The following ANKS6 variants were observed in gnomAD, a reference collection of about 807,000 sequenced individuals.
ANKS6 encodes ankyrin repeat and sterile alpha motif domain containing 6.
Under a neutral mutation model 77.9 loss-of-function variants are expected in ANKS6, and 47 were observed. The observed-to-expected ratio is 0.60, with a 90% CI of 0.48 to 0.77. ANKS6 has a LOEUF of 0.77. Among genes scored for constraint, ANKS6 ranks in the 30% least tolerant of loss-of-function variants. ANKS6 has a pLI of 0.00. For missense variants in ANKS6, 1,150 were observed against 1,159.1 expected, an observed-to-expected ratio of 0.99 and a Z score of 0.11; for synonymous variants, 488 against 501.7, an observed-to-expected ratio of 0.97 and a Z score of 0.37.
At chr9:98,784,913 A>C (rs373222710) in intron 2 of ANKS6, 37 bp from the exon 3 acceptor site, 1 of 1,593,596 alleles carries the variant, frequency 6.3e-7, no homozygotes, top group African/African-American at 1.3e-5. Context: ...AACCACGGAA[A>C]GGTTTAATAT....
chr9:98,752,281 G>C (rs962101161), intron 12 of ANKS6, among the ~76,000 whole-genome samples: 3 of 152,220 alleles, frequency 2.0e-5, no homozygotes, highest in African/African-American at 7.2e-5. Flanking sequence ...GCAGATATCT[G>C]GAGTAAGAGC....
chr9:98,790,549 G>C lies in ANKS6; in HGVS notation c.417C>G (p.Ala139=), dbSNP rs1455442887. The C allele has an allele frequency of 1.2e-6, 2 of 1,612,402 alleles. No individual in the cohort carries two copies. Among genetic ancestry groups the C allele is most frequent in the Non-Finnish European group, 1.7e-6 (2 of 1,178,982 alleles). ...GCACACTGGCCCCCAGCCGGTTCTG[G>C]GCATTGACATCAGCCCCGTGATCCA... The part of the protein sequence containing the change: ...LLLDHGADVN[A]QNRLGASVLT... Residue 139 remains alanine (A), a synonymous_variant, in exon 2 of 15, where the codon GCC becomes GCG. Transcript: ENST00000353234.
chr9:98,744,386 C>T (rs572409172), intron 14 of ANKS6, among the ~76,000 whole-genome samples: 9 of 152,264 alleles, frequency 5.9e-5, no homozygotes, highest in East Asian at 1.9e-4. Context: ...CAGGAGGCCT[C>T]GGTTTAGCGT....
intron 8 of ANKS6, among the ~76,000 whole-genome samples, chr9:98,774,613 G>A: frequency 6.6e-6 from 1 of 152,184 alleles, no homozygotes; most frequent in East Asian, 1.9e-4. Flanking sequence ...AAGGAAGCAG[G>A]AGGTGATAAG....
At chr9:98,746,582 C>CT (rs71496901) in intron 13 of ANKS6, among the ~76,000 whole-genome samples, 12,679 of 133,276 alleles carry the variant, frequency 0.095, 734 homozygotes, top group East Asian at 0.27. Flanking sequence ...GCACAGAGAG[C>CT]TTTTTTTTTT....
At chr9:98,767,577 A>G (rs563164960) in intron 11 of ANKS6, among the ~76,000 whole-genome samples, 12 of 152,194 alleles carry the variant, frequency 7.9e-5, no homozygotes, top group Non-Finnish European at 1.8e-4. Context: ...CCAGGCACAG[A>G]GCAGATGCTC....
Position 98,735,798 on chromosome 9 carries a change from T to G in ANKS6, c.*721A>C. The G allele has an allele frequency of 8.1e-7, 1 of 1,231,742 alleles. No individual in the cohort carries two copies. The highest frequency in any genetic ancestry group is 1.0e-6 in the Non-Finnish European group (1 of 987,978). 76.3% of individuals were successfully genotyped at this position (1,231,742 alleles called of 1,614,324 possible). On this transcript the variant is annotated 3_prime_UTR_variant, in exon 15 of 15. Coordinates refer to ENST00000353234, the MANE Select transcript of ANKS6 (RefSeq NM_173551.5). ...TCTTTGCAATAAAGAAAAATGCGTT[T>G]GACATACACATCTCCAATGTAAGCT...
intron 13 of ANKS6, among the ~76,000 whole-genome samples, chr9:98,748,763 G>T (rs1832278480): frequency 6.6e-6 from 1 of 152,006 alleles, no homozygotes; most frequent in African/African-American, 2.4e-5. Flanking sequence ...TTTGTTTAAG[G>T]TACCATTATT....
intron 13 of ANKS6, among the ~76,000 whole-genome samples, chr9:98,749,808 G>C (rs1199348032): frequency 1.3e-5 from 2 of 152,158 alleles, no homozygotes; most frequent in African/African-American, 4.8e-5. Context: ...TTTGTTTCTT[G>C]AACTAAAATA....
In ANKS6 at chr9:98,796,186, G is replaced by A; in HGVS notation, c.306C>T (p.Ala102=). The A allele has an allele frequency of 1.4e-6, 2 of 1,418,290 alleles. No homozygotes were observed. The highest frequency in any genetic ancestry group is 1.5e-5 in the African/African-American group (1 of 67,508). The allele number at this position is 1,418,290 out of a possible 1,614,324, so 87.9% of individuals were successfully genotyped here. A position where few individuals can be genotyped will look rare whatever the true frequency, so the allele number is the denominator to read the frequency against. The part of the protein sequence containing the change: ...PLVRFLLRRG[A]SVNSRNHYGW... ...CGTAGTGGTTGCGGCTGTTGACCGA[G>A]GCACCGCGGCGCAGCAGGAAGCGCA... The change falls in exon 1 of 15, where the codon GCC becomes GCT. Residue 102 remains alanine, a synonymous_variant. Coordinates refer to ENST00000353234, the MANE Select transcript of ANKS6 (RefSeq NM_173551.5).
In ANKS6 at chr9:98,736,469, A is replaced by G. The variant is rs923005041; in HGVS notation, c.*50T>C. On this transcript the variant is annotated 3_prime_UTR_variant, in exon 15 of 15. Coordinates refer to ENST00000353234, the MANE Select transcript of ANKS6 (RefSeq NM_173551.5). Reference sequence around the variant, plus strand: ...CAGGGCTGGGGCTGTGGCCACGTGAAGGGGTCCCGGGATTCAGAGAGCTCA... The same window carrying G: ...CAGGGCTGGGGCTGTGGCCACGTGAGGGGGTCCCGGGATTCAGAGAGCTCA... 5.2e-6 allele frequency: 8 copies of G among 1,548,032 alleles called. No homozygotes were observed. The African/African-American group carries it at 1.1e-4, about 21-fold the overall frequency.
rs1831310414 is a variant in ANKS6, at chr9:98,733,388, T to C, written c.*3131A>G. 8 of 985,292 alleles carry C rather than the reference T, an allele frequency of 8.1e-6. No homozygotes were observed. Among genetic ancestry groups the C allele is most frequent in the Non-Finnish European group, 9.6e-6 (8 of 829,964 alleles). 61.0% of individuals were successfully genotyped at this position (985,292 alleles called of 1,614,324 possible). On this transcript the variant is annotated 3_prime_UTR_variant, in exon 15 of 15. Coordinates refer to ENST00000353234, the MANE Select transcript of ANKS6 (RefSeq NM_173551.5). ...AATGCCCTCCACCCTGCAGGAGAGC[T>C]CAGGGTGGAGCCTCAGCTCAATGCC... is the stretch of plus-strand genomic sequence containing the variant.
intron 11 of ANKS6, among the ~76,000 whole-genome samples, chr9:98,764,947 A>G (rs1310504849): frequency 2.6e-5 from 4 of 152,190 alleles, no homozygotes; most frequent in Admixed American, 1.3e-4. Flanking sequence ...AATTGGACAT[A>G]TTATATAGTA....
rs966264850 is a variant in ANKS6 at position 98,735,824 on chromosome 9, G to C, written c.*695C>G. 4.5e-5 allele frequency: 56 copies of C among 1,231,612 alleles called. No homozygotes were observed. Among genetic ancestry groups the C allele is most frequent in the Admixed American group, 8.4e-5 (2 of 23,702 alleles). The allele number at this position is 1,231,612 out of a possible 1,614,324, so 76.3% of individuals were successfully genotyped here. A position where few individuals can be genotyped will look rare whatever the true frequency, so the allele number is the denominator to read the frequency against. On this transcript the variant is annotated 3_prime_UTR_variant, in exon 15 of 15. Transcript: ENST00000353234. Reference sequence around the variant, plus strand: ...GACATACACATCTCCAATGTAAGCTGTATGCAGCAGGTGCAGTGGAATGCT... The same window carrying C: ...GACATACACATCTCCAATGTAAGCTCTATGCAGCAGGTGCAGTGGAATGCT...
chr9:98,785,707 G>A (rs779609456), intron 2 of ANKS6, among the ~76,000 whole-genome samples: 1 of 152,122 alleles, frequency 6.6e-6, no homozygotes, highest in African/African-American at 2.4e-5. Flanking sequence ...CCAGGGGATG[G>A]AGCAGCTGCC....
intron 8 of ANKS6, among the ~76,000 whole-genome samples, chr9:98,777,186 C>T (rs560473077): frequency 2.0e-5 from 3 of 152,326 alleles, no homozygotes; most frequent in Non-Finnish European, 4.4e-5. Context: ...AGGGCTGACA[C>T]CCAGCGGGTG....
chr9:98,786,447 G>A (rs1026522431), intron 2 of ANKS6, among the ~76,000 whole-genome samples: 2 of 151,816 alleles, frequency 1.3e-5, no homozygotes, highest in East Asian at 1.9e-4. Context: ...ACCCACCACC[G>A]CATCTGGCTA....
At chr9:98,757,002 T>G (rs1437737213) in intron 11 of ANKS6, among the ~76,000 whole-genome samples, 2 of 151,382 alleles carry the variant, frequency 1.3e-5, no homozygotes, top group Non-Finnish European at 2.9e-5. Flanking sequence ...AGTCTCTTTC[T>G]GCTCTTGATG....
In ANKS6 at chr9:98,739,758, A is replaced by AT. The variant is rs749499336; in HGVS notation, c.2512-3136dup. 2.0e-3 allele frequency among the ~76,000 whole-genome samples: 177 copies of AT among 88,860 alleles called. 20 individuals carry two copies. Among genetic ancestry groups the AT allele is most frequent in the Middle Eastern group, 8.2e-3 (1 of 122 alleles). 58.3% of individuals were successfully genotyped at this position (88,860 alleles called of 152,430 possible). On this transcript the variant is annotated intron_variant, in intron 14 of 14. Coordinates refer to ENST00000353234, the MANE Select transcript of ANKS6 (RefSeq NM_173551.5). ...CTCAGAGGGCAGCAGTGGATTAAAC[A>AT]TTTTTTTTTTTTTTTTGAGACGGAG...
Sources: gnomAD v4.1 joint callset for allele counts (sites outside exome capture counted in the v4.1 genomes callset) on GRCh38, gnomAD v4.1.1 for gene constraint, MANE v1.5 for transcripts, NCBI Gene and HGNC (gene_info 2026-07-23, HGNC 2026-07-21) for gene names.